Variants in THADA observed in about 807,000 individuals in gnomAD.
THADA encodes tRNA (32-2'-O)-methyltransferase regulator THADA.
In THADA, 213 loss-of-function variants were observed where a neutral mutation model predicts 219.8. The observed-to-expected ratio is 0.97, with a 90% CI of 0.87 to 1.09. The LOEUF is 1.09. THADA is among the 50% of genes least tolerant of loss of function. THADA has a pLI of 0.00. For missense variants in THADA, 2,956 were observed against 2,311.3 expected (o/e 1.28, Z -5.72); for synonymous variants, 1,018 against 828.9 (o/e 1.23, Z -3.92).
chr2:43,475,935 T>C (rs1479706206), intron 26 of THADA, among the ~76,000 whole-genome samples: 1 of 152,254 alleles, frequency 6.6e-6, no homozygotes, highest in Non-Finnish European at 1.5e-5. Flanking sequence ...TCAGATAGCC[T>C]AGAAGAATGT....
At chr2:43,270,637 T>A (rs767329682) in intron 36 of THADA, among the ~76,000 whole-genome samples, 5 of 152,228 alleles carry the variant, frequency 3.3e-5, no homozygotes, top group Non-Finnish European at 5.9e-5. Context: ...CTGACACTTA[T>A]CTGCCTTGGG....
intron 7 of THADA, among the ~76,000 whole-genome samples, chr2:43,584,540 C>T (rs977584794): frequency 2.6e-5 from 4 of 152,212 alleles, no homozygotes. Context: ...GGTATTATTT[C>T]TCCTCTCTCC....
chr2:43,552,423 T>A, intron 17 of THADA, 84 bp from the exon 18 acceptor site: 1 of 1,383,562 alleles, frequency 7.2e-7, no homozygotes, highest in Non-Finnish European at 9.7e-7. Flanking sequence ...TTCCCATTAA[T>A]ATGGCCAACT....
chr2:43,279,659 C>T (rs187840783), intron 36 of THADA, 106 bp downstream of exon 36: 30 of 1,398,870 alleles, frequency 2.1e-5, no homozygotes, highest in African/African-American at 6.0e-5. Flanking sequence ...GAGACACAGA[C>T]CAAATGACCA....
chr2:43,430,324 AT>A, intron 26 of THADA, 22 bp from the exon 27 acceptor site: 2 of 1,296,844 alleles, frequency 1.5e-6, no homozygotes, highest in Non-Finnish European at 2.2e-6. Flanking sequence ...GGAGGAAAAA[AT>A]TTATTATCAT....
chr2:43,297,824 G>T (rs1200193725), intron 31 of THADA, among the ~76,000 whole-genome samples: 1 of 123,010 alleles, frequency 8.1e-6, no homozygotes, highest in African/African-American at 3.6e-5. Context: ...AGGGAGGTGG[G>T]GGGGGATCAG....
At chr2:43,276,422 G>A (rs752940464) in intron 36 of THADA, among the ~76,000 whole-genome samples, 5 of 152,144 alleles carry the variant, frequency 3.3e-5, no homozygotes, top group African/African-American at 9.7e-5. Context: ...CAGGAGGGCC[G>A]GCTAACCATG....
At chr2:43,400,417 C>A (rs1442317038) in intron 28 of THADA, among the ~76,000 whole-genome samples, 3 of 142,674 alleles carry the variant, frequency 2.1e-5, no homozygotes, top group Non-Finnish European at 4.6e-5. Context: ...AATATTCTAT[C>A]GCAAATTCTT....
At chr2:43,290,283 T>C (rs982331449) in intron 34 of THADA, among the ~76,000 whole-genome samples, 3 of 151,978 alleles carry the variant, frequency 2.0e-5, no homozygotes, top group African/African-American at 7.2e-5. Context: ...TTTTTTTTTT[T>C]CCCCTTCCTG....
intron 1 of THADA, chr2:43,592,972 A>C (rs76562174): frequency 6.6e-6 from 1 of 152,254 alleles, no homozygotes; most frequent in African/African-American, 2.4e-5. Context: ...CAACGGGTTC[A>C]TAACAGGCTA....
At chr2:43,473,194 A>G (rs775210677) in intron 26 of THADA, among the ~76,000 whole-genome samples, 25 of 152,240 alleles carry the variant, frequency 1.6e-4, no homozygotes, top group Non-Finnish European at 2.9e-4. Flanking sequence ...ACAAAGGTTA[A>G]AACACATTAT....
At chr2:43,377,481 C>T (rs990645333) in intron 29 of THADA, among the ~76,000 whole-genome samples, 1 of 151,936 alleles carries the variant, frequency 6.6e-6, no homozygotes, top group East Asian at 1.9e-4. Flanking sequence ...GAACTTAGAG[C>T]CAGGGTGATA....
At chr2:43,267,661 G>C (rs557798511) in intron 36 of THADA, among the ~76,000 whole-genome samples, 2 of 152,182 alleles carry the variant, frequency 1.3e-5, no homozygotes, top group Non-Finnish European at 2.9e-5. Flanking sequence ...CCAGATTGTG[G>C]ACATGGCAGT....
At chr2:43,421,399 C>T (rs1677702341) in intron 28 of THADA, among the ~76,000 whole-genome samples, 1 of 152,162 alleles carries the variant, frequency 6.6e-6, no homozygotes, top group African/African-American at 2.4e-5. Context: ...TTAGTAGTAA[C>T]CACAGACCAG....
intron 12 of THADA, among the ~76,000 whole-genome samples, chr2:43,572,146 C>A (rs895912674): frequency 1.3e-5 from 2 of 152,036 alleles, no homozygotes; most frequent in African/African-American, 4.8e-5. Context: ...TCCAGTGACC[C>A]CTTTTACCCC....
At chr2:43,425,762 C>T (rs746746112) in intron 28 of THADA, among the ~76,000 whole-genome samples, 1 of 152,154 alleles carries the variant, frequency 6.6e-6, no homozygotes, top group East Asian at 1.9e-4. Flanking sequence ...GCTTACAGGA[C>T]ATTTTGCTTA....
intron 30 of THADA, among the ~76,000 whole-genome samples, chr2:43,340,852 G>A (rs994595553): frequency 2.0e-5 from 3 of 152,272 alleles, no homozygotes; most frequent in Admixed American, 1.3e-4. Flanking sequence ...CCGCTAGGAC[G>A]AGAGGGGGTG....
chr2:43,230,949 C>T lies in THADA; in HGVS notation c.5861G>A (p.Ter1954=). 1 of 1,601,240 alleles carries T rather than the reference C, an allele frequency of 6.2e-7. No individual in the cohort carries two copies. Among genetic ancestry groups the T allele is most frequent in the South Asian group, 1.1e-5 (1 of 90,212 alleles). ...CCATCCCAATCCCCCAGATTTTCTTCAACATGCCGCTTCTGTTCTTGGAAG... is the reference window on the plus strand; with the variant it reads ...CCATCCCAATCCCCCAGATTTTCTTTAACATGCCGCTTCTGTTCTTGGAAG... ...LTLPRTEAAC[*] is the part of the protein sequence containing the mutation. The change falls in exon 38 of 38, where the codon TGA becomes TAA. Residue 1954 remains the stop codon, a stop_retained_variant. Coordinates refer to ENST00000405975, the MANE Select transcript of THADA (RefSeq NM_022065.5).
chr2:43,453,943 G>A (rs1032021277), intron 26 of THADA, among the ~76,000 whole-genome samples: 1 of 152,278 alleles, frequency 6.6e-6, no homozygotes, highest in South Asian at 2.1e-4. Context: ...CACCCAGGCT[G>A]GAGTGCAGTA....
Sources: gnomAD v4.1 joint callset for allele counts (sites outside exome capture counted in the v4.1 genomes callset) on GRCh38, gnomAD v4.1.1 for gene constraint, MANE v1.5 for transcripts, NCBI Gene and HGNC (gene_info 2026-07-23, HGNC 2026-07-21) for gene names.